Variants in ETV1 observed in about 807,000 individuals in gnomAD.
ETV1 encodes the protein ETS translocation variant 1.
ETV1 carries 27 observed loss-of-function variants against 62.3 expected under a neutral mutation model. That is an observed-to-expected ratio of 0.43 (90% CI 0.32 to 0.60). The LOEUF is 0.60. Ranked by LOEUF, ETV1 falls within the 20% of genes least tolerant of loss-of-function variation. The pLI is 0.06. For missense variants in ETV1, 605 were observed against 605.8 expected (o/e 1.00, Z 0.01); for synonymous variants, 222 against 199.6 (o/e 1.11, Z -0.94).
At chr7:13,965,045 C>CG (rs1318303906) in intron 6 of ETV1, among the ~76,000 whole-genome samples, 1 of 151,942 alleles carries the variant, frequency 6.6e-6, no homozygotes, top group Non-Finnish European at 1.5e-5. Context: ...CTAATACCTC[C>CG]GCCGCTGCTG....
At chr7:13,939,314 T>G in intron 6 of ETV1, 68 bp from the exon 7 acceptor site, 1 of 1,358,282 alleles carries the variant, frequency 7.4e-7, no homozygotes, top group Non-Finnish European at 1.0e-6. Context: ...TAATGTGTTC[T>G]ACTTCTCTTG....
At chr7:13,907,932 T>C (rs757589839) in intron 11 of ETV1, 37 of 431,936 alleles carry the variant, frequency 8.6e-5, no homozygotes, top group Non-Finnish European at 1.5e-4. Context: ...CATGATAATA[T>C]AGAAGTGTAT....
At position 13,893,245 on chromosome 7, in the gene ETV1, A is replaced by G. The variant is rs993612156; in HGVS notation, c.*2621T>C. 5 of 232,342 alleles carry G rather than the reference A, an allele frequency of 2.2e-5. No individual in the cohort carries two copies. Among genetic ancestry groups the G allele is most frequent in the Non-Finnish European group, 4.3e-5 (5 of 117,608 alleles). The allele number at this position is 232,342 out of a possible 1,614,324, so 14.4% of individuals were successfully genotyped here. On this transcript the variant is annotated 3_prime_UTR_variant, in exon 14 of 14. Coordinates refer to ENST00000430479, the MANE Select transcript of ETV1 (RefSeq NM_004956.5). ...TTTCTATGTTTGAGTAGCCAATTCA[A>G]TGAGAAATTCAAAACACAAGAATCT...
chr7:13,951,866 C>T (rs1423860754), intron 6 of ETV1, among the ~76,000 whole-genome samples: 1 of 152,132 alleles, frequency 6.6e-6, no homozygotes, highest in Non-Finnish European at 1.5e-5. Context: ...GGCAAGTACT[C>T]AGTAAATGTT....
In ETV1 at chr7:13,931,532, G is replaced by C. The variant is rs774351239; in HGVS notation, c.772C>G (p.Gln258Glu). 1.9e-6 allele frequency: 3 copies of C among 1,614,038 alleles called. No homozygotes were observed. In the South Asian group the frequency reaches 3.3e-5, roughly 18 times the overall value. The change falls in exon 9 of 14, where the codon CAG becomes GAG. Residue 258 changes from glutamine (Q) to glutamate (E), a missense_variant. Gln to Glu is a conservative substitution (Grantham distance 29). This residue lies in a region of ETV1 where 426 missense variants were observed against 377.8 expected (regional missense o/e 1.13). Transcript: ENST00000430479. ...TCATATGCAAAATCTCTGGGTTCCT[G>C]TTTAATCATCAGAGGAGGGGGAAAG... ...QSFPPPLMIK[Q>E]EPRDFAYDSE...
chr7:13,930,851 A>T (rs961683960), intron 9 of ETV1, among the ~76,000 whole-genome samples: 2 of 151,644 alleles, frequency 1.3e-5, no homozygotes, highest in Non-Finnish European at 2.9e-5. Context: ...CCCAGGCTGG[A>T]GTGCAGTGGT....
intron 6 of ETV1, among the ~76,000 whole-genome samples, chr7:13,969,200 G>A (rs1780618011): frequency 6.6e-6 from 1 of 152,058 alleles, no homozygotes; most frequent in South Asian, 2.1e-4. Flanking sequence ...ATTGGTTCCA[G>A]TATAAAAGAA....
chr7:13,984,332 T>A (rs1325054913), intron 5 of ETV1, among the ~76,000 whole-genome samples: 1 of 152,068 alleles, frequency 6.6e-6, no homozygotes, highest in South Asian at 2.1e-4. Context: ...AATTTCTGGA[T>A]GTCCAGAAAG....
At chr7:13,949,995 C>T (rs1298501715) in intron 6 of ETV1, among the ~76,000 whole-genome samples, 1 of 152,106 alleles carries the variant, frequency 6.6e-6, no homozygotes, top group Non-Finnish European at 1.5e-5. Flanking sequence ...ACCCAGTCTG[C>T]CCCTGGAAGT....
At chr7:13,977,341 G>A (rs1781553011) in intron 6 of ETV1, 86 bp downstream of exon 6, 10 of 856,804 alleles carry the variant, frequency 1.2e-5, no homozygotes, top group Non-Finnish European at 1.9e-5. Flanking sequence ...ACAAGACACT[G>A]GACGTGAAAA....
intron 9 of ETV1, among the ~76,000 whole-genome samples, chr7:13,929,484 T>G (rs987002961): frequency 6.6e-6 from 1 of 152,190 alleles, no homozygotes; most frequent in Non-Finnish European, 1.5e-5. Context: ...GTATGTGGTA[T>G]GGAGAGAGCT....
At chr7:13,979,226 AAC>A (rs1781746364) in intron 5 of ETV1, among the ~76,000 whole-genome samples, 1 of 152,024 alleles carries the variant, frequency 6.6e-6, no homozygotes, top group South Asian at 2.1e-4. Context: ...GATTAAATGA[AAC>A]AGTCTAAACG....
chr7:13,900,582 T>C (rs367668994), intron 13 of ETV1, 156 bp downstream of exon 13: 1 of 575,374 alleles, frequency 1.7e-6, no homozygotes, highest in African/African-American at 1.9e-5. Context: ...CATTTATACA[T>C]AGAAAGGCTT....
intron 6 of ETV1, among the ~76,000 whole-genome samples, chr7:13,948,076 C>G (rs1031016479): frequency 2.0e-5 from 3 of 152,160 alleles, no homozygotes; most frequent in African/African-American, 7.2e-5. Context: ...AGGCAATCTG[C>G]CTTCTTTCAA....
intron 5 of ETV1, among the ~76,000 whole-genome samples, chr7:13,979,721 A>G (rs183829954): frequency 5.9e-5 from 9 of 152,296 alleles, no homozygotes; most frequent in African/African-American, 2.2e-4. Flanking sequence ...GCCAACATTT[A>G]TAAGAATCTA....
intron 6 of ETV1, among the ~76,000 whole-genome samples, chr7:13,950,915 C>CACACACACAA (rs1397184351): frequency 1.4e-5 from 2 of 140,030 alleles, no homozygotes; most frequent in Non-Finnish European, 3.2e-5. Flanking sequence ...CACACACACA[C>CACACACACAA]ACACACACAC....
At chr7:13,961,312 G>A in intron 6 of ETV1, among the ~76,000 whole-genome samples, 1 of 152,146 alleles carries the variant, frequency 6.6e-6, no homozygotes, top group South Asian at 2.1e-4. Context: ...GGTGATCTTT[G>A]GTCATTCACA....
chr7:13,976,570 A>G (rs1781474586), intron 6 of ETV1, among the ~76,000 whole-genome samples: 1 of 152,170 alleles, frequency 6.6e-6, no homozygotes, highest in Non-Finnish European at 1.5e-5. Flanking sequence ...AAATAAAACA[A>G]ATTTAGATGT....
At chr7:13,904,700 A>T (rs2128411849) in intron 12 of ETV1, among the ~76,000 whole-genome samples, 1 of 152,174 alleles carries the variant, frequency 6.6e-6, no homozygotes, top group Non-Finnish European at 1.5e-5. Context: ...CCCTGTAGAA[A>T]GTGCTCAGTT....
Sources: allele counts gnomAD v4.1 joint callset (sites outside exome capture counted in the v4.1 genomes callset), GRCh38; gene constraint gnomAD v4.1.1; regional missense constraint gnomAD v4.1.1; transcripts MANE v1.5; gene names NCBI Gene and HGNC (gene_info 2026-07-23, HGNC 2026-07-21).